The following PTPN4 variants were observed in gnomAD, a reference collection of about 807,000 sequenced individuals.
PTPN4 encodes the protein protein tyrosine phosphatase non-receptor type 4, also known as tyrosine-protein phosphatase non-receptor type 4.
Under a neutral mutation model 135.5 loss-of-function variants are expected in PTPN4, and 49 were observed. The ratio of observed to expected loss-of-function variants is 0.36; its 90% CI spans 0.29 to 0.46. The LOEUF (loss-of-function observed/expected upper bound fraction) is 0.46, where lower values mean the gene tolerates loss of function less well. PTPN4 is among the 20% of genes least tolerant of loss of function. The pLI, the probability that PTPN4 is intolerant of heterozygous loss-of-function variation, is 1.00. For synonymous variants in PTPN4, 333 were observed against 369.9 expected (o/e 0.90, Z 1.14); for missense variants, 860 against 1,101.0 (o/e 0.78, Z 3.10).
At chr2:119,845,749 C>G (rs1677489093) in intron 2 of PTPN4, among the ~76,000 whole-genome samples, 1 of 151,872 alleles carries the variant, frequency 6.6e-6, no homozygotes, top group South Asian at 2.1e-4. Context: ...TTTCTTTGTG[C>G]TTTGGGTTTA....
intron 2 of PTPN4, among the ~76,000 whole-genome samples, chr2:119,857,797 T>A (rs900229342): frequency 2.0e-5 from 3 of 152,176 alleles, no homozygotes; most frequent in Non-Finnish European, 4.4e-5. Context: ...GGGTTTTGTT[T>A]GTTTGTTTGT....
At chr2:119,969,967 A>G (rs550341497) in intron 26 of PTPN4, among the ~76,000 whole-genome samples, 13 of 152,338 alleles carry the variant, frequency 8.5e-5, no homozygotes, top group African/African-American at 3.1e-4. Context: ...TTCACATACC[A>G]TAAAATTCAG....
intron 1 of PTPN4, among the ~76,000 whole-genome samples, chr2:119,772,509 A>G (rs1690753724): frequency 6.6e-6 from 1 of 152,192 alleles, no homozygotes; most frequent in Admixed American, 6.5e-5. Context: ...CTTACAGTGT[A>G]CATTCTTCAG....
intron 1 of PTPN4, among the ~76,000 whole-genome samples, chr2:119,770,170 G>T (rs1473826247): frequency 5.9e-5 from 9 of 152,154 alleles, no homozygotes; most frequent in Non-Finnish European, 4.4e-5. Context: ...AATAAGACAT[G>T]CTCTTTATCA....
intron 22 of PTPN4, among the ~76,000 whole-genome samples, chr2:119,959,603 G>A (rs997655105): frequency 6.6e-6 from 1 of 152,194 alleles, no homozygotes. Flanking sequence ...GAGTGGGAGG[G>A]TGTAGAAAAA....
At position 119,949,801 on chromosome 2, in the gene PTPN4, C is replaced by A. The variant is rs1435652291; in HGVS notation, c.1657-2172C>A. Among the ~76,000 whole-genome samples, 4 of 152,062 alleles carry A rather than the reference C, an allele frequency of 2.6e-5. No individual in the cohort carries two copies. The East Asian group carries it at 7.7e-4, about 29-fold the overall frequency. On this transcript the variant is annotated intron_variant, in intron 18 of 26. Transcript: ENST00000263708. ...GAGGCTGTAGTGAGCTATGATCACA[C>A]CACTACACTCCAGCCTAAGCAACAG...
chr2:119,934,365 G>A (rs892307977), intron 14 of PTPN4, among the ~76,000 whole-genome samples: 5 of 152,146 alleles, frequency 3.3e-5, no homozygotes, highest in African/African-American at 1.2e-4. Flanking sequence ...TGACTGTCAA[G>A]AGGATGGCAA....
At chr2:119,792,308 T>C (rs1013391720) in intron 1 of PTPN4, among the ~76,000 whole-genome samples, 2 of 152,212 alleles carry the variant, frequency 1.3e-5, no homozygotes, top group African/African-American at 2.4e-5. Context: ...TTTAGCTTAG[T>C]GCAGTACCTA....
At chr2:119,798,611 T>C (rs1432728058) in intron 1 of PTPN4, among the ~76,000 whole-genome samples, 1 of 152,238 alleles carries the variant, frequency 6.6e-6, no homozygotes, top group Non-Finnish European at 1.5e-5. Flanking sequence ...AAATTAAGAA[T>C]TACTGTATTG....
chr2:119,943,467 C>CAGAA (rs1679087832), intron 15 of PTPN4, among the ~76,000 whole-genome samples: 2 of 151,830 alleles, frequency 1.3e-5, no homozygotes, highest in Admixed American at 6.6e-5. Context: ...TGTGCTCTAC[C>CAGAA]TTATCTTCAT....
chr2:119,882,197 G>A, intron 7 of PTPN4, 48 bp downstream of exon 7: 1 of 1,514,526 alleles, frequency 6.6e-7, no homozygotes, highest in South Asian at 1.1e-5. Context: ...ACTGTGGTTT[G>A]TGTTGCTAGT....
chr2:119,944,955 TG>T, intron 15 of PTPN4, 125 bp from the exon 16 acceptor site: 1 of 702,850 alleles, frequency 1.4e-6, no homozygotes, highest in Non-Finnish European at 2.2e-6. Context: ...CATTAAAAAG[TG>T]GCACTTCCAA....
chr2:119,940,820 GT>G (rs1054984837), intron 15 of PTPN4, among the ~76,000 whole-genome samples: 2 of 151,616 alleles, frequency 1.3e-5, no homozygotes, highest in African/African-American at 4.8e-5. Context: ...TGCCTTTACC[GT>G]TTTTTAAAAA....
intron 2 of PTPN4, among the ~76,000 whole-genome samples, chr2:119,845,901 T>C (rs1365147761): frequency 6.6e-6 from 1 of 152,246 alleles, no homozygotes; most frequent in Non-Finnish European, 1.5e-5. Context: ...TTTTCATTTA[T>C]ATCGAAGTAT....
At chr2:119,947,641 G>A (rs947981190) in intron 18 of PTPN4, among the ~76,000 whole-genome samples, 3 of 151,880 alleles carry the variant, frequency 2.0e-5, no homozygotes, top group African/African-American at 7.3e-5. Context: ...ATTCCTCTCA[G>A]TGTGAATGAA....
intron 26 of PTPN4, among the ~76,000 whole-genome samples, chr2:119,975,732 AT>A (rs890818305): frequency 2.0e-5 from 3 of 152,156 alleles, no homozygotes; most frequent in African/African-American, 7.2e-5. Flanking sequence ...CTAAAAAAAA[AT>A]GTCCCTTCAA....
chr2:119,844,359 C>T (rs1226141217), intron 2 of PTPN4, among the ~76,000 whole-genome samples: 1 of 135,786 alleles, frequency 7.4e-6, no homozygotes, highest in Non-Finnish European at 1.6e-5. Context: ...ACCCCCCCCC[C>T]CCACCTCCCT....
chr2:119,854,190 C>T (rs541860322), intron 2 of PTPN4, among the ~76,000 whole-genome samples: 4 of 152,226 alleles, frequency 2.6e-5, no homozygotes, highest in East Asian at 1.9e-4. Context: ...GTCCTGCACA[C>T]GCGGAGTCAT....
chr2:119,902,842 C>G (rs1198525421), intron 10 of PTPN4, among the ~76,000 whole-genome samples: 1 of 152,168 alleles, frequency 6.6e-6, no homozygotes, highest in Non-Finnish European at 1.5e-5. Context: ...GCATAGGGAG[C>G]TGCCTGAAGT....
Sources: gnomAD v4.1 joint callset for allele counts (sites outside exome capture counted in the v4.1 genomes callset) on GRCh38, gnomAD v4.1.1 for gene constraint, MANE v1.5 for transcripts, NCBI Gene and HGNC (gene_info 2026-07-23, HGNC 2026-07-21) for gene names.